The following VAV3 variants were observed in gnomAD, a reference collection of about 807,000 sequenced individuals.
VAV3 encodes vav guanine nucleotide exchange factor 3, also known as guanine nucleotide exchange factor VAV3.
In VAV3, 94 loss-of-function variants were observed where a neutral mutation model predicts 131.2. That is an observed-to-expected ratio of 0.72 (90% CI 0.61 to 0.85). The LOEUF (loss-of-function observed/expected upper bound fraction) is 0.85, where lower values mean the gene tolerates loss of function less well. VAV3 is among the 40% of genes least tolerant of loss of function. The pLI is 0.00. For synonymous variants in VAV3, 349 were observed against 342.0 expected, an observed-to-expected ratio of 1.02 and a Z score of -0.22; for missense variants, 939 against 1,002.7, an observed-to-expected ratio of 0.94 and a Z score of 0.86.
chr1:107,630,832 T>G (rs565425518), intron 20 of VAV3, among the ~76,000 whole-genome samples: 1 of 152,162 alleles, frequency 6.6e-6, no homozygotes, highest in Non-Finnish European at 1.5e-5. Flanking sequence ...TGATTCCACA[T>G]TTAGACCCAA....
At chr1:107,711,793 T>G (rs1357305212) in intron 15 of VAV3, among the ~76,000 whole-genome samples, 1 of 152,126 alleles carries the variant, frequency 6.6e-6, no homozygotes, top group East Asian at 1.9e-4. Flanking sequence ...GTTCGAGCGA[T>G]TCTCATGCCT....
At chr1:107,817,200 A>G (rs1667596519) in intron 2 of VAV3, among the ~76,000 whole-genome samples, 1 of 152,214 alleles carries the variant, frequency 6.6e-6, no homozygotes, top group Middle Eastern at 3.2e-3. Flanking sequence ...ATCTAAAGGA[A>G]CACAACTGGG....
chr1:107,929,006 A>G (rs1224601742), intron 1 of VAV3, among the ~76,000 whole-genome samples: 1 of 152,162 alleles, frequency 6.6e-6, no homozygotes, highest in Non-Finnish European at 1.5e-5. Context: ...AAAAAGTAGA[A>G]AGAAAAAAGA....
At chr1:107,704,199 T>G (rs980127950) in intron 17 of VAV3, among the ~76,000 whole-genome samples, 2 of 152,212 alleles carry the variant, frequency 1.3e-5, no homozygotes, top group Non-Finnish European at 2.9e-5. Flanking sequence ...GAAGAATATA[T>G]TCTTTCTGTT....
At chr1:107,858,152 C>G (rs1669560802) in intron 2 of VAV3, among the ~76,000 whole-genome samples, 1 of 152,086 alleles carries the variant, frequency 6.6e-6, no homozygotes, top group African/African-American at 2.4e-5. Flanking sequence ...ATACCACCAC[C>G]AGAATTTAAA....
intron 2 of VAV3, among the ~76,000 whole-genome samples, chr1:107,813,078 G>A (rs917986946): frequency 6.7e-6 from 1 of 150,086 alleles, no homozygotes; most frequent in African/African-American, 2.5e-5. Flanking sequence ...AGCCGAGATT[G>A]CGTGCACTCT....
At chr1:107,736,379 A>G (rs1020097316) in intron 15 of VAV3, among the ~76,000 whole-genome samples, 1 of 152,212 alleles carries the variant, frequency 6.6e-6, no homozygotes, top group African/African-American at 2.4e-5. Context: ...AGGAGAAAGA[A>G]ATAAAGGGTA....
At chr1:107,789,369 G>A (rs760957783) in intron 2 of VAV3, among the ~76,000 whole-genome samples, 4 of 152,196 alleles carry the variant, frequency 2.6e-5, no homozygotes, top group Admixed American at 6.5e-5. Flanking sequence ...GGATCTCGTC[G>A]TGGGGAACAT....
intron 2 of VAV3, among the ~76,000 whole-genome samples, chr1:107,847,070 G>A (rs1669003609): frequency 6.6e-6 from 1 of 152,082 alleles, no homozygotes; most frequent in Non-Finnish European, 1.5e-5. Context: ...ATAAAAAACA[G>A]TCTCTCAGAC....
chr1:107,734,153 C>T (rs11806453), intron 15 of VAV3, among the ~76,000 whole-genome samples: 58,571 of 151,946 alleles, frequency 0.39, 11,571 homozygotes, highest in East Asian at 0.49. Context: ...TACAAACAAG[C>T]AAATGCTGAG....
At chr1:107,595,568 A>C (rs544632817) in intron 25 of VAV3, among the ~76,000 whole-genome samples, 52 of 152,282 alleles carry the variant, frequency 3.4e-4, no homozygotes, top group African/African-American at 1.2e-3. Context: ...TTTTTGTTAC[A>C]TGCTCTATCT....
At chr1:107,675,562 CT>C (rs1658145636) in intron 19 of VAV3, among the ~76,000 whole-genome samples, 1 of 152,190 alleles carries the variant, frequency 6.6e-6, no homozygotes, top group African/African-American at 2.4e-5. Flanking sequence ...CCTTCTCTTT[CT>C]TTCCTCATTA....
chr1:107,716,936 G>A (rs556271282), intron 15 of VAV3, among the ~76,000 whole-genome samples: 2 of 152,230 alleles, frequency 1.3e-5, no homozygotes, highest in South Asian at 4.1e-4. Flanking sequence ...GGTATACTCA[G>A]GGATTCAACA....
rs540023187 is a variant in VAV3, at chr1:107,615,665, T to C, written c.1980+1902A>G. On this transcript the variant is annotated intron_variant, in intron 21 of 26. Coordinates refer to ENST00000370056, the MANE Select transcript of VAV3 (RefSeq NM_006113.5). ...CTATCAAGAGAGTAAACAGGCAACA[T>C]AGAGAATGGGAGACAATATTTGTAA... Among the ~76,000 whole-genome samples, 333 of 152,150 alleles carry C rather than the reference T, an allele frequency of 2.2e-3. 1 individual carries two copies. Among genetic ancestry groups the C allele is most frequent in the Middle Eastern group, 6.8e-3 (2 of 294 alleles).
chr1:107,676,515 A>T (rs1051836342), intron 19 of VAV3, among the ~76,000 whole-genome samples: 1 of 152,192 alleles, frequency 6.6e-6, no homozygotes, highest in Admixed American at 6.5e-5. Context: ...AGAGAAACTG[A>T]ACCCTAATGA....
intron 19 of VAV3, among the ~76,000 whole-genome samples, chr1:107,683,164 C>T (rs995994322): frequency 6.6e-6 from 1 of 152,172 alleles, no homozygotes; most frequent in African/African-American, 2.4e-5. Flanking sequence ...TGGCAGCTAG[C>T]TGGCTGGTTT....
At chr1:107,921,955 T>G (rs948079925) in intron 1 of VAV3, among the ~76,000 whole-genome samples, 1 of 152,220 alleles carries the variant, frequency 6.6e-6, no homozygotes, top group Admixed American at 6.5e-5. Flanking sequence ...TCTTCTCAGC[T>G]TTTTTGTGTA....
intron 12 of VAV3, among the ~76,000 whole-genome samples, chr1:107,752,283 A>G (rs983997663): frequency 2.0e-5 from 3 of 152,222 alleles, no homozygotes; most frequent in Non-Finnish European, 4.4e-5. Context: ...CTGGATATCC[A>G]CATGTAAAAG....
At chr1:107,964,489 A>G (rs1675316924) in intron 1 of VAV3, 177 bp downstream of exon 1, 1 of 633,162 alleles carries the variant, frequency 1.6e-6, no homozygotes, top group East Asian at 2.9e-5. Flanking sequence ...GAGGAGCTAA[A>G]CCATTTCAAG....
Sources: allele counts gnomAD v4.1 joint callset (sites outside exome capture counted in the v4.1 genomes callset), GRCh38; gene constraint gnomAD v4.1.1; transcripts MANE v1.5; gene names NCBI Gene and HGNC (gene_info 2026-07-23, HGNC 2026-07-21).